The following SAMD5 variants were observed in gnomAD, a reference collection of about 807,000 sequenced individuals.
SAMD5 encodes sterile alpha motif domain-containing protein 5.
Under a neutral mutation model 11.3 loss-of-function variants are expected in SAMD5, and 13 were observed. The observed-to-expected ratio is 1.15, with a 90% CI of 0.75 to 1.83. The LOEUF is 1.83. Ranked by LOEUF, SAMD5 falls within the 40% of genes most tolerant of loss-of-function variation. SAMD5 has a pLI of 0.00. For synonymous variants in SAMD5, 129 were observed against 111.3 expected (o/e 1.16, Z -1.00); for missense variants, 255 against 239.1 (o/e 1.07, Z -0.44).
At chr6:147,673,404 G>A (rs1343500747) in intron 1 of SAMD5, among the ~76,000 whole-genome samples, 1 of 151,972 alleles carries the variant, frequency 6.6e-6, no homozygotes, top group African/African-American at 2.4e-5. Context: ...TGTTAGAGAC[G>A]GGGTTTCACT....
At chr6:147,526,861 C>T (rs1319954131) in intron 1 of SAMD5, among the ~76,000 whole-genome samples, 2 of 152,162 alleles carry the variant, frequency 1.3e-5, no homozygotes, top group Admixed American at 6.5e-5. Context: ...AGGAACTTCC[C>T]TGTGGTACTA....
chr6:147,878,596 CATATATATCTATATAGATATATATGTAT>C, the SAMD5 span, among the ~76,000 whole-genome samples: 2 of 143,672 alleles, frequency 1.4e-5, no homozygotes, highest in Non-Finnish European at 3.0e-5. Context: ...GATATATATA[CATATATATCTATATAGATATATATGTAT>C]ATATATCTAT....
the SAMD5 span, among the ~76,000 whole-genome samples, chr6:147,844,325 T>C: frequency 6.6e-6 from 1 of 152,146 alleles, no homozygotes; most frequent in African/African-American, 2.4e-5. Flanking sequence ...TTGGCTATTA[T>C]CAAAAAGATG....
At chr6:147,690,641 T>C (rs1368710691) in intron 1 of SAMD5, among the ~76,000 whole-genome samples, 1 of 152,202 alleles carries the variant, frequency 6.6e-6, no homozygotes, top group East Asian at 1.9e-4. Context: ...AGAGTGAGAC[T>C]GTCTCAAAAA....
intron 1 of SAMD5, among the ~76,000 whole-genome samples, chr6:147,530,917 T>C (rs1788421188): frequency 1.3e-5 from 2 of 152,342 alleles, no homozygotes; most frequent in South Asian, 4.1e-4. Context: ...TCCAAGTTAA[T>C]CCAAGTTAAC....
chr6:147,794,741 G>C, the SAMD5 span, among the ~76,000 whole-genome samples: 1 of 152,082 alleles, frequency 6.6e-6, no homozygotes, highest in Non-Finnish European at 1.5e-5. Flanking sequence ...ACAGTAATAC[G>C]TAAAGAACAG....
the SAMD5 span, among the ~76,000 whole-genome samples, chr6:147,872,496 G>T: frequency 6.6e-6 from 1 of 152,214 alleles, no homozygotes. Flanking sequence ...CCCAGTAAGG[G>T]TGGGTTATTA....
chr6:147,832,414 A>G, the SAMD5 span, among the ~76,000 whole-genome samples: 6 of 152,298 alleles, frequency 3.9e-5, no homozygotes, highest in South Asian at 2.1e-4. Flanking sequence ...CTTAACTCCA[A>G]TTGATTTTAC....
the SAMD5 span, among the ~76,000 whole-genome samples, chr6:147,753,414 C>G: frequency 6.6e-6 from 1 of 152,110 alleles, no homozygotes; most frequent in Non-Finnish European, 1.5e-5. Flanking sequence ...ATTAGTACAA[C>G]ATTAACATTT....
intron 1 of SAMD5, among the ~76,000 whole-genome samples, chr6:147,608,818 T>G (rs1028704190): frequency 1.6e-4 from 24 of 152,192 alleles, no homozygotes; most frequent in Non-Finnish European, 3.2e-4. Flanking sequence ...TGTTTGCAAC[T>G]CAACGTATAA....
chr6:147,595,522 CTTTTTTT>C (rs770537446), intron 1 of SAMD5, among the ~76,000 whole-genome samples: 1 of 106,628 alleles, frequency 9.4e-6, no homozygotes, highest in Non-Finnish European at 1.7e-5. Flanking sequence ...ACTAAACTAC[CTTTTTTT>C]TTTTTTTTTT....
the SAMD5 span, among the ~76,000 whole-genome samples, chr6:147,804,039 G>T: frequency 6.6e-6 from 1 of 151,708 alleles, no homozygotes; most frequent in East Asian, 1.9e-4. Context: ...TCACCCATAG[G>T]TCTATTCAGC....
intron 1 of SAMD5, chr6:147,737,242 C>A: frequency 1.2e-6 from 1 of 867,456 alleles, no homozygotes; most frequent in African/African-American, 1.7e-5. Context: ...TCAGTTCCCC[C>A]TTCACCGTGC....
intron 1 of SAMD5, among the ~76,000 whole-genome samples, chr6:147,646,048 A>G (rs570738149): frequency 7.8e-6 from 1 of 128,238 alleles, no homozygotes; most frequent in Admixed American, 7.2e-5. Context: ...CTATCTATCT[A>G]TCTATCTATC....
chr6:147,865,999 C>A, the SAMD5 span, among the ~76,000 whole-genome samples: 1 of 152,124 alleles, frequency 6.6e-6, no homozygotes, highest in Non-Finnish European at 1.5e-5. Context: ...AAAATACACA[C>A]TTGAAACCTT....
chr6:147,745,587 T>C, the SAMD5 span, among the ~76,000 whole-genome samples: 1 of 152,256 alleles, frequency 6.6e-6, no homozygotes, highest in African/African-American at 2.4e-5. Context: ...AGAACTGCTG[T>C]CCATCCAGAG....
the SAMD5 span, among the ~76,000 whole-genome samples, chr6:147,804,379 G>T: frequency 6.6e-6 from 1 of 152,054 alleles, no homozygotes; most frequent in Non-Finnish European, 1.5e-5. Context: ...CAAAGTGCTG[G>T]GATTACAGGC....
chr6:147,931,179 T>C, the SAMD5 span, among the ~76,000 whole-genome samples: 1 of 152,354 alleles, frequency 6.6e-6, no homozygotes, highest in South Asian at 2.1e-4. Context: ...AAAAGAGTTT[T>C]CTTTGTGAGA....
the SAMD5 span, among the ~76,000 whole-genome samples, chr6:147,940,077 G>A: frequency 6.6e-6 from 1 of 152,066 alleles, no homozygotes; most frequent in African/African-American, 2.4e-5. Context: ...TAGATAGTAT[G>A]ACCCACTTTG....
Sources: gnomAD v4.1 joint callset for allele counts (sites outside exome capture counted in the v4.1 genomes callset) on GRCh38, gnomAD v4.1.1 for gene constraint, MANE v1.5 for transcripts, NCBI Gene and HGNC (gene_info 2026-07-23, HGNC 2026-07-21) for gene names.